Variants in COL15A1 observed in about 807,000 individuals in gnomAD.
COL15A1 encodes collagen type XV alpha 1 chain, also known as collagen alpha-1(XV) chain.
A neutral mutation model predicts 165.9 loss-of-function variants in COL15A1; 111 were observed. That is an observed-to-expected ratio of 0.67 (90% CI 0.57 to 0.78). The LOEUF (loss-of-function observed/expected upper bound fraction) is 0.78, where lower values mean the gene tolerates loss of function less well. COL15A1 is among the 30% of genes least tolerant of loss of function. The probability of loss-of-function intolerance (pLI) is 0.00; values close to 1 mark genes in which losing one functional copy is unlikely to be tolerated. For synonymous variants in COL15A1, 659 were observed against 674.8 expected (o/e 0.98, Z 0.36); for missense variants, 1,745 against 1,789.7 (o/e 0.98, Z 0.45).
rs538079984 is a variant in COL15A1 at position 98,999,952 on chromosome 9, C to T, written c.953-887C>T. On this transcript the variant is annotated intron_variant, in intron 6 of 41. Transcript: ENST00000375001. ...TTACTACAACCTCTGCCCACTGCAA[C>T]CTCTGCCTCCTGGGTTCAAGTGATT... 2.0e-5 allele frequency among the ~76,000 whole-genome samples: 3 copies of T among 150,636 alleles called. No homozygotes were observed. In the South Asian group the frequency reaches 6.3e-4, roughly 32 times the overall value.
At chr9:98,977,501 T>C (rs1411149995) in intron 2 of COL15A1, among the ~76,000 whole-genome samples, 1 of 152,164 alleles carries the variant, frequency 6.6e-6, no homozygotes, top group East Asian at 1.9e-4. Context: ...TGAGCATGGG[T>C]CACTCCAGGT....
chr9:99,054,177 A>G (rs144816897), intron 31 of COL15A1, among the ~76,000 whole-genome samples: 1 of 152,258 alleles, frequency 6.6e-6, no homozygotes, highest in African/African-American at 2.4e-5. Flanking sequence ...TTACAACCCC[A>G]TGCTACACAG....
intron 11 of COL15A1, among the ~76,000 whole-genome samples, chr9:99,016,360 T>C (rs903779078): frequency 6.6e-6 from 1 of 152,208 alleles, no homozygotes; most frequent in Non-Finnish European, 1.5e-5. Context: ...AACTGATCTT[T>C]GGATTGAAAT....
chr9:98,944,396 G>A (rs1837541750), intron 2 of COL15A1, 146 bp downstream of exon 2: 1 of 830,966 alleles, frequency 1.2e-6, no homozygotes, highest in Admixed American at 2.1e-5. Context: ...GCGGTCCCGC[G>A]GGCGGCTACC....
intron 4 of COL15A1, 94 bp downstream of exon 4, chr9:98,987,462 G>A (rs1284346909): frequency 4.9e-6 from 6 of 1,221,288 alleles, no homozygotes; most frequent in South Asian, 2.9e-5. Context: ...TGGAGTTTCT[G>A]AAACCTCTCA....
At chr9:98,979,569 G>A (rs1838199415) in intron 2 of COL15A1, among the ~76,000 whole-genome samples, 1 of 152,098 alleles carries the variant, frequency 6.6e-6, no homozygotes, top group African/African-American at 2.4e-5. Context: ...AGAGAAATGA[G>A]TTTGTTGCTG....
rs1357599897 is a variant in COL15A1 at position 98,985,683 on chromosome 9, C to T, written c.219C>T (p.Ala73=). The T allele has an allele frequency of 1.2e-6, 2 of 1,614,268 alleles. No individual in the cohort carries two copies. The highest frequency in any genetic ancestry group is 1.7e-6 in the Non-Finnish European group (2 of 1,180,052). Residue 73 remains alanine, a synonymous_variant, in exon 3 of 42, where the codon GCC becomes GCT. Coordinates refer to ENST00000375001, the MANE Select transcript of COL15A1 (RefSeq NM_001855.5). ...GFPAYSFGPG[A]NVGRPARTLI... is the part of the protein sequence containing the mutation. ...CGGCCTACAGTTTCGGGCCTGGTGC[C>T]AATGTTGGCCGCCCAGCCAGGACTC...
chr9:98,978,083 C>G (rs1838170505), intron 2 of COL15A1, among the ~76,000 whole-genome samples: 1 of 152,240 alleles, frequency 6.6e-6, no homozygotes, highest in East Asian at 1.9e-4. Context: ...GCTGCCCCAT[C>G]TGTTGCTTCC....
At chr9:98,979,533 T>G (rs1012830161) in intron 2 of COL15A1, among the ~76,000 whole-genome samples, 1 of 152,228 alleles carries the variant, frequency 6.6e-6, no homozygotes, top group Admixed American at 6.5e-5. Flanking sequence ...CATTTTTCTT[T>G]TGGGTATTCA....
chr9:98,945,532 AGGAAAC>A (rs78968805), intron 2 of COL15A1, among the ~76,000 whole-genome samples: 46,020 of 151,852 alleles, frequency 0.3, 7,283 homozygotes, highest in Non-Finnish European at 0.37. Context: ...GTCGGCCCAA[AGGAAAC>A]GGGATTGAGA....
intron 14 of COL15A1, 69 bp downstream of exon 14, chr9:99,023,518 T>TG (rs1839063187): frequency 1.3e-6 from 1 of 775,582 alleles, no homozygotes; most frequent in Non-Finnish European, 2.3e-6. Flanking sequence ...GGGAGGGACG[T>TG]GGGGGCCAGG....
rs112161837 is a variant in COL15A1, at chr9:99,012,154, C to A, written c.1354-3263C>A. Among the ~76,000 whole-genome samples, 803 of 152,338 alleles carry A rather than the reference C, an allele frequency of 5.3e-3. 8 individuals are homozygous for A. Among genetic ancestry groups the A allele is most frequent in the Non-Finnish European group, 9.7e-3 (660 of 68,032 alleles). Reference sequence around the variant, plus strand: ...AATTCTTAAGACATTTCTAATATTGCTTTACCAGTAATTTTAAAACTAGCT... The same window carrying A: ...AATTCTTAAGACATTTCTAATATTGATTTACCAGTAATTTTAAAACTAGCT... On this transcript the variant is annotated intron_variant, in intron 9 of 41. Coordinates refer to ENST00000375001, the MANE Select transcript of COL15A1 (RefSeq NM_001855.5).
At chr9:98,965,046 G>A (rs992113514) in intron 2 of COL15A1, among the ~76,000 whole-genome samples, 1 of 152,208 alleles carries the variant, frequency 6.6e-6, no homozygotes, top group Non-Finnish European at 1.5e-5. Context: ...CAAGTGCTGA[G>A]AGGCTGCAAG....
At chr9:99,020,907 C>T (rs1839016095) in intron 12 of COL15A1, among the ~76,000 whole-genome samples, 1 of 152,222 alleles carries the variant, frequency 6.6e-6, no homozygotes. Flanking sequence ...TTCTTTGCTC[C>T]AGTTTCTCCA....
Position 99,025,970 on chromosome 9 carries a change from C to G in COL15A1, c.2043+4C>G, listed in dbSNP as rs755174582. 6.8e-6 allele frequency: 11 copies of G among 1,607,362 alleles called. No homozygotes were observed. The highest frequency in any genetic ancestry group is 8.5e-6 in the Non-Finnish European group (10 of 1,176,888). On this transcript the variant is annotated splice_donor_region_variant and intron_variant, in intron 16 of 41. Transcript: ENST00000375001. Reference sequence around the variant, plus strand: ...TCCCGGGATGAAAGGGGAGAAGGTACGGGGAACACGGGAGGGTCCCACCAC... The same window carrying G: ...TCCCGGGATGAAAGGGGAGAAGGTAGGGGGAACACGGGAGGGTCCCACCAC...
chr9:99,041,512 G>C (rs921386587), intron 23 of COL15A1: 1 of 152,340 alleles, frequency 6.6e-6, no homozygotes, highest in Admixed American at 6.5e-5. Context: ...CTATGGGGGG[G>C]GTGGCATGAG....
At position 99,060,237 on chromosome 9, in the gene COL15A1, TA is replaced by T. The variant is rs1564093477; in HGVS notation, c.3402+285del. On this transcript the variant is annotated intron_variant, in intron 36 of 41. Transcript: ENST00000375001. ...CAATCATATTACTTATATATTTTTA[TA>T]TATATATATATATATATATTTTTTT... 4.7e-3 allele frequency among the ~76,000 whole-genome samples: 425 copies of T among 89,590 alleles called. 3 individuals carry two copies. Among genetic ancestry groups the T allele is most frequent in the African/African-American group, 0.018 (396 of 22,358 alleles). 58.8% of individuals were successfully genotyped at this position (89,590 alleles called of 152,430 possible).
In COL15A1 at chr9:98,997,003, C is replaced by A; in HGVS notation, c.874C>A (p.Leu292Ile). The A allele has an allele frequency of 1.2e-6, 2 of 1,614,224 alleles. No individual in the cohort carries two copies. Among genetic ancestry groups the A allele is most frequent in the Non-Finnish European group, 1.7e-6 (2 of 1,180,042 alleles). The change falls in exon 6 of 42, where the codon CTT becomes ATT. Residue 292 changes from leucine (L) to isoleucine (I), a missense_variant. Physicochemically the swap from Leu to Ile is conservative, Grantham distance 5 (BLOSUM62 2). Coordinates refer to ENST00000375001, the MANE Select transcript of COL15A1 (RefSeq NM_001855.5). ...TPSSPFEDME[L>I]SGEPVPEGTL... is the part of the protein sequence containing the mutation. ...ATCCTCCCCCTTTGAAGACATGGAA[C>A]TTTCTGGTGAACCTGTACCCGAGGG...
At position 99,070,146 on chromosome 9, in the gene COL15A1, T is replaced by G; in HGVS notation, c.*260T>G. The G allele has an allele frequency of 5.3e-6, 2 of 377,454 alleles. No homozygotes were observed. The highest frequency in any genetic ancestry group is 9.6e-6 in the Non-Finnish European group (2 of 208,182). The allele number at this position is 377,454 out of a possible 1,614,324, so 23.4% of individuals were successfully genotyped here. A position where few individuals can be genotyped will look rare whatever the true frequency, so the allele number is the denominator to read the frequency against. On this transcript the variant is annotated 3_prime_UTR_variant, in exon 42 of 42. Coordinates refer to ENST00000375001, the MANE Select transcript of COL15A1 (RefSeq NM_001855.5). ...CCAGCAGTGTGAACGCATCCCAACA[T>G]AGGTTAAGAGCAAGTTGAAAACAAA...
Sources: gnomAD v4.1 joint callset for allele counts (sites outside exome capture counted in the v4.1 genomes callset) on GRCh38, gnomAD v4.1.1 for gene constraint, MANE v1.5 for transcripts, NCBI Gene and HGNC (gene_info 2026-07-23, HGNC 2026-07-21) for gene names.